The following ATG5 variants were observed in gnomAD, a reference collection of about 807,000 sequenced individuals.
ATG5 encodes autophagy related 5, also known as autophagy protein 5.
In ATG5, 14 loss-of-function variants were observed where a neutral mutation model predicts 36.5. That is an observed-to-expected ratio of 0.38 (90% confidence interval 0.25 to 0.60). The LOEUF (loss-of-function observed/expected upper bound fraction) is 0.60. ATG5 is among the 20% of genes least tolerant of loss of function. The probability of loss-of-function intolerance (pLI) is 0.60; values close to 1 mark genes in which losing one functional copy is unlikely to be tolerated. For missense variants in ATG5, 195 were observed against 326.7 expected (o/e 0.60, Z 3.11); for synonymous variants, 95 against 101.5 (o/e 0.94, Z 0.38).
At chr6:106,298,119 C>A (rs896152417) in intron 3 of ATG5, among the ~76,000 whole-genome samples, 4 of 151,810 alleles carry the variant, frequency 2.6e-5, no homozygotes, top group African/African-American at 9.7e-5. Flanking sequence ...CGCGTACCAC[C>A]ACACCTGGCT....
intron 5 of ATG5, among the ~76,000 whole-genome samples, chr6:106,252,917 C>T (rs1473042499): frequency 1.3e-5 from 2 of 152,158 alleles, no homozygotes; most frequent in Non-Finnish European, 2.9e-5. Context: ...GAAGGAAAAG[C>T]AAATGGCTGA....
chr6:106,188,453 A>G lies in ATG5; in HGVS notation c.692-1777T>C, dbSNP rs541184535. 2.2e-4 allele frequency among the ~76,000 whole-genome samples: 33 copies of G among 152,314 alleles called. No homozygotes were observed. In the South Asian group the frequency reaches 6.4e-3, roughly 30 times the overall value. ...TTTTCCTTAAGCCAGTCACCTTTGT[A>G]TACTATGAAACAGCAGAAGAAACAA... On this transcript the variant is annotated intron_variant, in intron 7 of 7. Coordinates refer to ENST00000369076, the MANE Select transcript of ATG5 (RefSeq NM_004849.4).
intron 3 of ATG5, among the ~76,000 whole-genome samples, chr6:106,303,151 G>T (rs370261002): frequency 6.6e-6 from 1 of 151,870 alleles, no homozygotes; most frequent in Non-Finnish European, 1.5e-5. Flanking sequence ...TTAAAAAGGA[G>T]AGAAAAATCC....
intron 6 of ATG5, among the ~76,000 whole-genome samples, chr6:106,239,565 C>T (rs527461657): frequency 6.6e-6 from 1 of 152,234 alleles, no homozygotes; most frequent in East Asian, 1.9e-4. Context: ...CAACAGATAT[C>T]AGAACGCTAA....
intron 5 of ATG5, among the ~76,000 whole-genome samples, chr6:106,250,981 C>T (rs1207740344): frequency 6.6e-6 from 1 of 152,210 alleles, no homozygotes; most frequent in Admixed American, 6.5e-5. Flanking sequence ...TGCCCAATGT[C>T]CAGATACGCA....
At chr6:106,247,720 A>G (rs774856887) in intron 6 of ATG5, among the ~76,000 whole-genome samples, 6 of 152,218 alleles carry the variant, frequency 3.9e-5, no homozygotes, top group Non-Finnish European at 7.3e-5. Flanking sequence ...TAAAAAGCAC[A>G]AAAATGTAAA....
At chr6:106,193,381 C>T (rs2114320726) in intron 7 of ATG5, among the ~76,000 whole-genome samples, 1 of 152,202 alleles carries the variant, frequency 6.6e-6, no homozygotes, top group East Asian at 1.9e-4. Flanking sequence ...AGAGCTTTGA[C>T]TCTTAACATT....
chr6:106,245,912 T>C (rs1162115133), intron 6 of ATG5, among the ~76,000 whole-genome samples: 1 of 152,176 alleles, frequency 6.6e-6, no homozygotes, highest in Non-Finnish European at 1.5e-5. Context: ...AGAAATCTGA[T>C]GTTGCCTTTA....
At chr6:106,295,693 G>A (rs1163150241) in intron 3 of ATG5, among the ~76,000 whole-genome samples, 1 of 151,668 alleles carries the variant, frequency 6.6e-6, no homozygotes, top group Admixed American at 6.6e-5. Flanking sequence ...CCTCCTGAGT[G>A]GCTGGGACTA....
intron 6 of ATG5, among the ~76,000 whole-genome samples, chr6:106,204,035 C>T (rs1016565571): frequency 2.6e-5 from 4 of 152,062 alleles, no homozygotes; most frequent in Non-Finnish European, 5.9e-5. Context: ...AACGAGAACA[C>T]ATGGACACAG....
At chr6:106,296,864 A>G (rs1769964847) in intron 3 of ATG5, among the ~76,000 whole-genome samples, 1 of 152,202 alleles carries the variant, frequency 6.6e-6, no homozygotes, top group African/African-American at 2.4e-5. Flanking sequence ...ATCAGTTTTT[A>G]GCTATCATTA....
At chr6:106,318,283 G>C (rs61205213) in intron 1 of ATG5, among the ~76,000 whole-genome samples, 3,619 of 152,198 alleles carry the variant, frequency 0.024, 60 homozygotes, top group African/African-American at 0.047. Context: ...ATGCATGTGA[G>C]TGTGGCTCCC....
At chr6:106,187,058 T>C (rs762224258) in intron 7 of ATG5, among the ~76,000 whole-genome samples, 5 of 152,202 alleles carry the variant, frequency 3.3e-5, no homozygotes, top group Non-Finnish European at 7.3e-5. Context: ...GACAAGTACA[T>C]GAAGTCGGTC....
intron 6 of ATG5, among the ~76,000 whole-genome samples, chr6:106,230,454 G>T (rs1254428492): frequency 6.6e-6 from 1 of 152,098 alleles, no homozygotes; most frequent in African/African-American, 2.4e-5. Flanking sequence ...CCAGCAGCCC[G>T]GACCCCTTTC....
chr6:106,202,078 T>G lies in ATG5; in HGVS notation c.585A>C (p.Glu195Asp). The change falls in exon 7 of 8, where the codon GAA (glutamate) becomes GAC (aspartate). Residue 195 changes from glutamate (E) to aspartate (D), a missense_variant. By Grantham distance (45) the Glu-to-Asp change is conservative (BLOSUM62 2). Transcript: ENST00000369076. ...GAAACAGCTTCTGAATGAAAGGTCTTTCAGTCGTTGTCTATTTGAAAAAGG... is the reference window on the plus strand; with the variant it reads ...GAAACAGCTTCTGAATGAAAGGTCTGTCAGTCGTTGTCTATTTGAAAAAGG... ...IPFRIYQTTT[E>D]RPFIQKLFRP... The G allele has an allele frequency of 6.2e-7, 1 of 1,613,862 alleles. No homozygotes were observed. Among genetic ancestry groups the G allele is most frequent in the African/African-American group, 1.3e-5 (1 of 75,046 alleles).
At position 106,298,375 on chromosome 6, in the gene ATG5, T is replaced by G. The variant is rs768343764; in HGVS notation, c.237-5269A>C. ...TTAGGAGATAAATTTAAACATATGC[T>G]TCCTTAAAATTATATTTAAATTTAA... On this transcript the variant is annotated intron_variant, in intron 3 of 7. Coordinates refer to ENST00000369076, the MANE Select transcript of ATG5 (RefSeq NM_004849.4). Among the ~76,000 whole-genome samples the G allele has an allele frequency of 3.3e-5, 5 of 152,086 alleles. No homozygotes were observed. In the East Asian group the frequency reaches 9.6e-4, roughly 29 times the overall value.
chr6:106,198,970 G>A (rs932551822), intron 7 of ATG5, among the ~76,000 whole-genome samples: 2 of 152,064 alleles, frequency 1.3e-5, no homozygotes, highest in Non-Finnish European at 2.9e-5. Context: ...TCATCAAAGA[G>A]ATCTACAAAT....
chr6:106,296,007 A>C (rs1177064602), intron 3 of ATG5, among the ~76,000 whole-genome samples: 3 of 152,180 alleles, frequency 2.0e-5, no homozygotes, highest in African/African-American at 7.2e-5. Context: ...AATACACAGA[A>C]GCTTGAACAA....
chr6:106,269,989 G>C (rs1327585689), intron 5 of ATG5, among the ~76,000 whole-genome samples: 1 of 152,198 alleles, frequency 6.6e-6, no homozygotes, highest in African/African-American at 2.4e-5. Context: ...GTATTGCACT[G>C]CGAAATAACT....
Sources: allele counts gnomAD v4.1 joint callset (sites outside exome capture counted in the v4.1 genomes callset), GRCh38; gene constraint gnomAD v4.1.1; transcripts MANE v1.5; gene names NCBI Gene and HGNC (gene_info 2026-07-23, HGNC 2026-07-21).